Variants in SLC45A2 observed in about 807,000 individuals in gnomAD.
The protein encoded by SLC45A2 is solute carrier family 45 member 2.
In SLC45A2, 36 loss-of-function variants were observed where a neutral mutation model predicts 45.5. The observed-to-expected ratio is 0.79, with a 90% CI of 0.61 to 1.04. The LOEUF is 1.04. Ranked by LOEUF, SLC45A2 falls within the 50% of genes least tolerant of loss-of-function variation. SLC45A2 has a pLI of 0.00. For synonymous variants in SLC45A2, 306 were observed against 269.3 expected (o/e 1.14, Z -1.33); for missense variants, 719 against 671.0 (o/e 1.07, Z -0.79).
intron 1 of SLC45A2, among the ~76,000 whole-genome samples, chr5:33,983,281 T>C (rs1363344534): frequency 6.6e-6 from 1 of 152,214 alleles, no homozygotes; most frequent in East Asian, 1.9e-4. Context: ...GTTGTTTCTC[T>C]TGTTTCCATT....
chr5:33,984,076 A>T lies in SLC45A2; in HGVS notation c.385+123T>A, dbSNP rs16892061. 5,036 of 1,407,566 alleles carry T rather than the reference A, an allele frequency of 3.6e-3. 143 individuals are homozygous for T. The African/African-American group carries it at 0.064, about 18-fold the overall frequency. The allele number at this position is 1,407,566 out of a possible 1,614,324, so 87.2% of individuals were successfully genotyped here. A position where few individuals can be genotyped will look rare whatever the true frequency, so the allele number is the denominator to read the frequency against. On this transcript the variant is annotated intron_variant, in intron 1 of 6. Transcript: ENST00000296589. Reference sequence around the variant, plus strand: ...ATTTGTCAAAGGGGAAGTTCATTGTAACCTAGGAGAGATCAATTCTAACAA... The same window carrying T: ...ATTTGTCAAAGGGGAAGTTCATTGTTACCTAGGAGAGATCAATTCTAACAA...
chr5:33,957,131 T>C (rs1752298297), intron 3 of SLC45A2, among the ~76,000 whole-genome samples: 1 of 152,158 alleles, frequency 6.6e-6, no homozygotes, highest in African/African-American at 2.4e-5. Flanking sequence ...CAAAAAATGA[T>C]AATAGCTTTT....
chr5:33,944,932 G>A, intron 6 of SLC45A2, 60 bp from the exon 7 acceptor site: 2 of 1,537,428 alleles, frequency 1.3e-6, no homozygotes, highest in Non-Finnish European at 1.8e-6. Flanking sequence ...TAGGGCACAG[G>A]TCAGCAAAAT....
intron 3 of SLC45A2, 42 bp downstream of exon 3, chr5:33,963,649 A>G (rs778873997): frequency 4.4e-6 from 7 of 1,595,648 alleles, no homozygotes; most frequent in Non-Finnish European, 8.6e-7. Context: ...AACAAAGAGC[A>G]AGAATATTTT....
chr5:33,957,121 C>T (rs1410578566), intron 3 of SLC45A2, among the ~76,000 whole-genome samples: 4 of 151,830 alleles, frequency 2.6e-5, no homozygotes, highest in African/African-American at 7.3e-5. Context: ...TTTTGAAATA[C>T]AAAAAATGAT....
intron 6 of SLC45A2, among the ~76,000 whole-genome samples, chr5:33,945,610 C>A (rs556519292): frequency 6.6e-6 from 1 of 151,974 alleles, no homozygotes; most frequent in Non-Finnish European, 1.5e-5. Context: ...ATTATCATTA[C>A]CCCCATGGTA....
chr5:33,982,407 T>A lies in SLC45A2; in HGVS notation c.391A>T (p.Ile131Phe), dbSNP rs200623810. Reference protein sequence around the residue: ...LNGATVVAALIANPRRKLVWA... With the variant: ...LNGATVVAALFANPRRKLVWA... ...ACCAGCTTCCTCCTTGGGTTAGCAA[T>A]CAAAGCTAAAAGAAAAATAAACATT... Residue 131 changes from isoleucine (I) to phenylalanine (F), a missense_variant, in exon 2 of 7, where the codon ATT (isoleucine) becomes TTT (phenylalanine). By Grantham distance (21) the Ile-to-Phe change is conservative. Transcript: ENST00000296589. 1 of 1,614,050 alleles carries A rather than the reference T, an allele frequency of 6.2e-7. No individual in the cohort carries two copies. Among genetic ancestry groups the A allele is most frequent in the East Asian group, 2.2e-5 (1 of 44,870 alleles).
At chr5:33,981,478 C>T (rs1477550062) in intron 2 of SLC45A2, among the ~76,000 whole-genome samples, 7 of 152,204 alleles carry the variant, frequency 4.6e-5, no homozygotes, top group Admixed American at 3.9e-4. Flanking sequence ...TAGAGTCCCC[C>T]TCTTAGATAT....
Position 33,947,287 on chromosome 5 carries a change from A to G in SLC45A2, c.1244T>C (p.Ile415Thr), listed in dbSNP as rs112249076. ...YLLFGLGTGF[I>T]GLFPNVYSTL... ...GGAGTAGACATTCGGGAAGAGCCCAATAAATCCCGTCCCCAGGCCAAACAG... is the reference window on the plus strand; with the variant it reads ...GGAGTAGACATTCGGGAAGAGCCCAGTAAATCCCGTCCCCAGGCCAAACAG... The change falls in exon 6 of 7, where the codon ATT becomes ACT. Residue 415 changes from isoleucine (I) to threonine (T), a missense_variant. By Grantham distance (89) the Ile-to-Thr change is moderately conservative (BLOSUM62 -1). Transcript: ENST00000296589. The G allele has an allele frequency of 9.5e-5, 153 of 1,614,254 alleles. 1 individual carries two copies. The highest frequency in any genetic ancestry group is 1.3e-4 in the South Asian group (12 of 91,088).
intron 2 of SLC45A2, among the ~76,000 whole-genome samples, chr5:33,971,769 G>C (rs1250042362): frequency 3.9e-5 from 6 of 152,144 alleles, no homozygotes; most frequent in Admixed American, 3.9e-4. Flanking sequence ...TGGGATTACA[G>C]GCATGCACCC....
At chr5:33,958,567 T>G (rs991721485) in intron 3 of SLC45A2, among the ~76,000 whole-genome samples, 23 of 152,196 alleles carry the variant, frequency 1.5e-4, no homozygotes, top group African/African-American at 5.3e-4. Context: ...CTTTGACAAG[T>G]GTGCAGCGGC....
chr5:33,952,628 A>T (rs1396569799), intron 4 of SLC45A2, among the ~76,000 whole-genome samples: 1 of 149,830 alleles, frequency 6.7e-6, no homozygotes, highest in Non-Finnish European at 1.5e-5. Flanking sequence ...TTTTTAATGT[A>T]TTTCATACAG....
At chr5:33,976,433 A>C (rs1752931479) in intron 2 of SLC45A2, among the ~76,000 whole-genome samples, 1 of 152,244 alleles carries the variant, frequency 6.6e-6, no homozygotes, top group Non-Finnish European at 1.5e-5. Context: ...AAGGTGGAAA[A>C]TGGCAAAGGC....
intron 5 of SLC45A2, among the ~76,000 whole-genome samples, chr5:33,950,898 C>T (rs748836583): frequency 6.6e-5 from 10 of 152,204 alleles, no homozygotes; most frequent in African/African-American, 1.9e-4. Context: ...CATACACAGT[C>T]GCAAGTACAA....
At chr5:33,967,829 C>CAA (rs1414532581) in intron 2 of SLC45A2, among the ~76,000 whole-genome samples, 1 of 131,134 alleles carries the variant, frequency 7.6e-6, no homozygotes, top group African/African-American at 2.8e-5. Flanking sequence ...CACACACACA[C>CAA]ATTTCCTGCA....
intron 3 of SLC45A2, among the ~76,000 whole-genome samples, chr5:33,956,491 CT>C (rs1298319463): frequency 6.6e-6 from 1 of 152,068 alleles, no homozygotes; most frequent in African/African-American, 2.4e-5. Flanking sequence ...TGCTTGTTGA[CT>C]TTCTGGAAGG....
In SLC45A2 at chr5:33,947,305, C is replaced by A; in HGVS notation, c.1226G>T (p.Gly409Val). Residue 409 changes from glycine to valine, a missense_variant, in exon 6 of 7, where the codon GGC becomes GTC. By Grantham distance (109) the Gly-to-Val change is moderately radical. Coordinates refer to ENST00000296589, the MANE Select transcript of SLC45A2 (RefSeq NM_016180.5). ...GLYFTGYLLF[G>V]LGTGFIGLFP... ...GAGCCCAATAAATCCCGTCCCCAGG[C>A]CAAACAGCAAATATCCCGTGAAGTA... is the stretch of plus-strand genomic sequence containing the variant. 6.2e-7 allele frequency: 1 copy of A among 1,614,172 alleles called. No homozygotes were observed. Among genetic ancestry groups the A allele is most frequent in the South Asian group, 1.1e-5 (1 of 91,076 alleles).
At chr5:33,947,893 GAGA>G (rs1201993607) in intron 5 of SLC45A2, among the ~76,000 whole-genome samples, 1 of 152,182 alleles carries the variant, frequency 6.6e-6, no homozygotes, top group Non-Finnish European at 1.5e-5. Flanking sequence ...CTGCACACCT[GAGA>G]AGGAGGTAAA....
intron 3 of SLC45A2, among the ~76,000 whole-genome samples, chr5:33,962,947 GT>G (rs1561363840): frequency 6.6e-6 from 1 of 152,202 alleles, no homozygotes; most frequent in Non-Finnish European, 1.5e-5. Flanking sequence ...TATTTCATCA[GT>G]GTTGTCCAAC....
Sources: allele counts gnomAD v4.1 joint callset (sites outside exome capture counted in the v4.1 genomes callset), GRCh38; gene constraint gnomAD v4.1.1; transcripts MANE v1.5; gene names NCBI Gene and HGNC (gene_info 2026-07-23, HGNC 2026-07-21).